Variants in SNTG1 observed in about 807,000 individuals in gnomAD.
SNTG1 encodes the protein syntrophin gamma 1, also known as gamma-1-syntrophin.
SNTG1 carries 39 observed loss-of-function variants against 74.7 expected under a neutral mutation model. That is an observed-to-expected ratio of 0.52 (90% confidence interval 0.40 to 0.68). SNTG1 has a LOEUF of 0.68. SNTG1 is among the 30% of genes least tolerant of loss of function. The pLI is 0.00. For missense variants in SNTG1, 685 were observed against 609.5 expected (o/e 1.12, Z -1.30); for synonymous variants, 254 against 217.1 (o/e 1.17, Z -1.49).
At chr8:50,109,156 C>T (rs1192758097) in intron 1 of SNTG1, among the ~76,000 whole-genome samples, 1 of 152,110 alleles carries the variant, frequency 6.6e-6, no homozygotes, top group Non-Finnish European at 1.5e-5. Flanking sequence ...CATAGGAAGC[C>T]AATTCATGGC....
intron 1 of SNTG1, among the ~76,000 whole-genome samples, chr8:50,028,387 T>C (rs974355950): frequency 6.6e-6 from 1 of 152,040 alleles, no homozygotes; most frequent in African/African-American, 2.4e-5. Flanking sequence ...AGTTTACAGG[T>C]TTTGGTTATT....
chr8:50,792,337 C>A (rs2095693394), intron 18 of SNTG1, among the ~76,000 whole-genome samples: 1 of 151,766 alleles, frequency 6.6e-6, no homozygotes. Flanking sequence ...GATAAAAATA[C>A]TTTTAAAAGT....
intron 1 of SNTG1, among the ~76,000 whole-genome samples, chr8:50,115,576 A>AAAAAAAAACAAAAAAAAAAC (rs1554580683): frequency 7.2e-5 from 6 of 82,800 alleles, no homozygotes; most frequent in Non-Finnish European, 1.3e-4. Context: ...TCAAAAAAAA[A>AAAAAAAAACAAAAAAAAAAC]AAAAAAAAAA....
intron 8 of SNTG1, among the ~76,000 whole-genome samples, chr8:50,467,620 T>C (rs1322453716): frequency 6.6e-6 from 1 of 151,980 alleles, no homozygotes; most frequent in Non-Finnish European, 1.5e-5. Flanking sequence ...CTGTTGTTTT[T>C]TGTGTTTGCT....
intron 1 of SNTG1, among the ~76,000 whole-genome samples, chr8:50,142,586 A>C (rs2081703268): frequency 6.6e-6 from 1 of 152,090 alleles, no homozygotes; most frequent in South Asian, 2.1e-4. Context: ...AATGTTGATA[A>C]CATTGTAGTT....
chr8:50,109,962 C>G (rs1044238384), intron 1 of SNTG1, among the ~76,000 whole-genome samples: 1 of 152,156 alleles, frequency 6.6e-6, no homozygotes, highest in Non-Finnish European at 1.5e-5. Flanking sequence ...AAGTACCCAC[C>G]TTTCCCCATC....
rs539259973 is a variant in SNTG1, at chr8:50,560,291, A to G, written c.810+7112A>G. On this transcript the variant is annotated intron_variant, in intron 12 of 18. Transcript: ENST00000642720. ...TGTGGGAATATAAATTAGTTCAACC[A>G]TTGTGGAAGAGAGTGTGGTGATTCC... is the stretch of plus-strand genomic sequence containing the variant. Among the ~76,000 whole-genome samples the G allele has an allele frequency of 1.2e-4, 18 of 152,362 alleles. No individual in the cohort carries two copies. In the South Asian group the frequency reaches 2.1e-3, roughly 18 times the overall value.
In SNTG1 at chr8:50,471,701, GA is replaced by G. The variant is rs1225333796; in HGVS notation, c.363+20975del. Among the ~76,000 whole-genome samples the G allele has an allele frequency of 2.0e-5, 3 of 152,196 alleles. No homozygotes were observed. In the East Asian group the frequency reaches 5.8e-4, roughly 29 times the overall value. The stretch of plus-strand genomic sequence containing the variant: ...GGTTTATTCATAACCAACAGAAACT[GA>G]AACCAAGAAAGATGTCATTCAACAT... On this transcript the variant is annotated intron_variant, in intron 8 of 18. Coordinates refer to ENST00000642720, the MANE Select transcript of SNTG1 (RefSeq NM_018967.5).
intron 9 of SNTG1, among the ~76,000 whole-genome samples, chr8:50,521,566 G>T (rs1259916878): frequency 6.6e-6 from 1 of 152,108 alleles, no homozygotes; most frequent in East Asian, 1.9e-4. Flanking sequence ...CCTTGAAATA[G>T]ACAACAATGA....
At chr8:50,141,847 A>G (rs1184801285) in intron 1 of SNTG1, among the ~76,000 whole-genome samples, 1 of 152,148 alleles carries the variant, frequency 6.6e-6, no homozygotes. Context: ...ATGCATAATT[A>G]TGTATATTTA....
intron 5 of SNTG1, among the ~76,000 whole-genome samples, chr8:50,445,217 G>A (rs2131598747): frequency 6.6e-6 from 1 of 152,300 alleles, no homozygotes; most frequent in Non-Finnish European, 1.5e-5. Context: ...GATGGCACAT[G>A]CCCGTATTCC....
intron 13 of SNTG1, among the ~76,000 whole-genome samples, chr8:50,641,081 A>C (rs1038517276): frequency 5.3e-5 from 8 of 152,184 alleles, no homozygotes; most frequent in African/African-American, 1.9e-4. Context: ...TCCTTCTGCT[A>C]TATGCCTGAA....
intron 1 of SNTG1, among the ~76,000 whole-genome samples, chr8:49,996,977 C>T (rs1193462114): frequency 2.0e-5 from 3 of 152,090 alleles, no homozygotes; most frequent in Non-Finnish European, 4.4e-5. Flanking sequence ...ATTTAATAGA[C>T]TTATTTTATC....
At chr8:50,371,571 C>T (rs2092269151) in intron 2 of SNTG1, among the ~76,000 whole-genome samples, 1 of 152,038 alleles carries the variant, frequency 6.6e-6, no homozygotes, top group South Asian at 2.1e-4. Flanking sequence ...GTTGTTCAGC[C>T]CCTTTGTTTT....
chr8:50,303,830 A>G (rs2089758879), intron 2 of SNTG1, among the ~76,000 whole-genome samples: 1 of 152,136 alleles, frequency 6.6e-6, no homozygotes, highest in South Asian at 2.1e-4. Context: ...CAAGAATTAC[A>G]ATTTCAATAT....
intron 8 of SNTG1, among the ~76,000 whole-genome samples, chr8:50,484,113 T>TTTCTTTC (rs2093764780): frequency 9.2e-6 from 1 of 108,360 alleles, no homozygotes; most frequent in Non-Finnish European, 1.9e-5. Flanking sequence ...TCTTTCTTTC[T>TTTCTTTC]TTCTTTCTTT....
chr8:50,745,861 G>A (rs982666301), intron 17 of SNTG1, among the ~76,000 whole-genome samples: 1 of 151,886 alleles, frequency 6.6e-6, no homozygotes, highest in South Asian at 2.1e-4. Context: ...GGGTGCCTGG[G>A]GCAGTGGGGA....
At chr8:50,396,195 C>A (rs2131322351) in intron 3 of SNTG1, among the ~76,000 whole-genome samples, 1 of 152,278 alleles carries the variant, frequency 6.6e-6, no homozygotes, top group South Asian at 2.1e-4. Context: ...GAGTGACAAC[C>A]TGTTACTGAG....
intron 4 of SNTG1, among the ~76,000 whole-genome samples, chr8:50,428,761 AGG>A: frequency 6.6e-6 from 1 of 152,266 alleles, no homozygotes; most frequent in African/African-American, 2.4e-5. Context: ...AAGAATTTAT[AGG>A]AAAGGGCCTT....
Sources: gnomAD v4.1 joint callset for allele counts (sites outside exome capture counted in the v4.1 genomes callset) on GRCh38, gnomAD v4.1.1 for gene constraint, MANE v1.5 for transcripts, NCBI Gene and HGNC (gene_info 2026-07-23, HGNC 2026-07-21) for gene names.